The following ERBB4 variants were observed in gnomAD, a reference collection of about 807,000 sequenced individuals.
The protein encoded by ERBB4 is erb-b2 receptor tyrosine kinase 4.
A neutral mutation model predicts 158.0 loss-of-function variants in ERBB4; 42 were observed. The ratio of observed to expected loss-of-function variants is 0.27; its 90% CI spans 0.21 to 0.34. The LOEUF (loss-of-function observed/expected upper bound fraction) is 0.34. Ranked by LOEUF, ERBB4 falls within the 10% of genes least tolerant of loss-of-function variation. The probability of loss-of-function intolerance (pLI) is 1.00; values close to 1 mark genes in which losing one functional copy is unlikely to be tolerated. For missense variants in ERBB4, 1,333 were observed against 1,624.1 expected (o/e 0.82, Z 3.08); for synonymous variants, 583 against 558.7 (o/e 1.04, Z -0.61).
chr2:211,546,882 A>G (rs1476081378), intron 20 of ERBB4, among the ~76,000 whole-genome samples: 1 of 152,098 alleles, frequency 6.6e-6, no homozygotes, highest in African/African-American at 2.4e-5. Flanking sequence ...ATAAGTCATT[A>G]TTACAAATAC....
intron 19 of ERBB4, among the ~76,000 whole-genome samples, chr2:211,611,424 C>CGCTTTACTTTTGCTTTT (rs1469451672): frequency 0.02 from 3,102 of 152,144 alleles, 102 homozygotes; most frequent in African/African-American, 0.071. Flanking sequence ...CTTTTGCTTT[C>CGCTTTACTTTTGCTTTT]GCTTTACTTT....
At chr2:211,900,373 A>AACACACAC (rs72160363) in intron 3 of ERBB4, among the ~76,000 whole-genome samples, 2 of 148,604 alleles carry the variant, frequency 1.3e-5, no homozygotes, top group Non-Finnish European at 3.0e-5. Context: ...TTTATGTTTA[A>AACACACAC]ACACACACAC....
intron 2 of ERBB4, among the ~76,000 whole-genome samples, chr2:212,081,109 A>G (rs1174214843): frequency 6.6e-6 from 1 of 152,152 alleles, no homozygotes; most frequent in Non-Finnish European, 1.5e-5. Context: ...TTCATGGCTC[A>G]CAGATCAGGA....
chr2:211,701,277 T>C lies in ERBB4; in HGVS notation c.1489+690A>G, dbSNP rs560112873. On this transcript the variant is annotated intron_variant, in intron 12 of 27. Transcript: ENST00000342788. ...CGTCATTTTTCTTACCACCTCTAAA[T>C]GGCAAAACTCTGTTATTCTGTTATG... Among the ~76,000 whole-genome samples, 10 of 152,312 alleles carry C rather than the reference T, an allele frequency of 6.6e-5. No individual in the cohort carries two copies. In the East Asian group the frequency reaches 1.9e-3, roughly 29 times the overall value.
chr2:211,715,742 TG>T (rs1194604039), intron 7 of ERBB4, among the ~76,000 whole-genome samples: 2 of 152,146 alleles, frequency 1.3e-5, no homozygotes, highest in African/African-American at 4.8e-5. Flanking sequence ...ACCTTCACTG[TG>T]ATTGAAAGTT....
intron 20 of ERBB4, among the ~76,000 whole-genome samples, chr2:211,488,833 C>T (rs563391705): frequency 1.8e-4 from 28 of 151,990 alleles, no homozygotes; most frequent in African/African-American, 6.5e-4. Context: ...GTGAGAGCAC[C>T]AATCCTGTAC....
At chr2:211,980,980 C>T (rs1477936963) in intron 2 of ERBB4, among the ~76,000 whole-genome samples, 1 of 151,912 alleles carries the variant, frequency 6.6e-6, no homozygotes, top group Non-Finnish European at 1.5e-5. Flanking sequence ...CATCTCGATA[C>T]CGCTCCCCAC....
chr2:212,153,216 T>C (rs1487862432), intron 1 of ERBB4, among the ~76,000 whole-genome samples: 1 of 152,192 alleles, frequency 6.6e-6, no homozygotes, highest in Admixed American at 6.5e-5. Context: ...AAAATAAATC[T>C]TGGCAAAATA....
At chr2:211,921,207 G>A (rs548198458) in intron 3 of ERBB4, among the ~76,000 whole-genome samples, 63 of 152,086 alleles carry the variant, frequency 4.1e-4, no homozygotes, top group African/African-American at 1.5e-3. Flanking sequence ...TCTGTAGATT[G>A]AGCTTCAGTT....
intron 1 of ERBB4, among the ~76,000 whole-genome samples, chr2:212,461,318 G>A (rs1443786923): frequency 6.6e-6 from 1 of 152,188 alleles, no homozygotes; most frequent in African/African-American, 2.4e-5. Context: ...AAGCCACATG[G>A]ACAGAGCTGC....
intron 2 of ERBB4, among the ~76,000 whole-genome samples, chr2:211,975,137 T>A (rs2081568289): frequency 1.3e-5 from 2 of 152,012 alleles, no homozygotes; most frequent in Non-Finnish European, 1.5e-5. Flanking sequence ...TACACTAACA[T>A]ACCTGCCTAA....
intron 1 of ERBB4, among the ~76,000 whole-genome samples, chr2:212,408,622 C>G (rs1309246641): frequency 6.6e-6 from 1 of 152,064 alleles, no homozygotes; most frequent in Non-Finnish European, 1.5e-5. Context: ...CCACTGCACT[C>G]TAGCCTGGAC....
intron 2 of ERBB4, among the ~76,000 whole-genome samples, chr2:212,050,762 A>G (rs2077378422): frequency 6.6e-6 from 1 of 151,646 alleles, no homozygotes; most frequent in African/African-American, 2.4e-5. Flanking sequence ...ATTCTCATTC[A>G]CTTTTAGCCT....
intron 12 of ERBB4, among the ~76,000 whole-genome samples, chr2:211,698,420 T>C (rs2073106536): frequency 6.6e-6 from 1 of 151,794 alleles, no homozygotes; most frequent in African/African-American, 2.4e-5. Flanking sequence ...GGCTGAATGG[T>C]ATTTAAATAG....
rs187597453 is a variant in ERBB4, at chr2:212,330,383, C to T, written c.83-205480G>A. Among the ~76,000 whole-genome samples, 591 of 152,098 alleles carry T rather than the reference C, an allele frequency of 3.9e-3. 7 individuals are homozygous for T. Among genetic ancestry groups the T allele is most frequent in the African/African-American group, 0.013 (549 of 41,510 alleles). ...CTGTAATCAACAGCACTTTAGAAGC[C>T]CGAGGCTTGCCAATTGCTTGAGCCT... is the stretch of plus-strand genomic sequence containing the variant. On this transcript the variant is annotated intron_variant, in intron 1 of 27. Coordinates refer to ENST00000342788, the MANE Select transcript of ERBB4 (RefSeq NM_005235.3).
chr2:212,073,629 T>G (rs2078190127), intron 2 of ERBB4, among the ~76,000 whole-genome samples: 1 of 151,910 alleles, frequency 6.6e-6, no homozygotes. Flanking sequence ...CCAGGAGTCT[T>G]CTTGATGCAG....
intron 12 of ERBB4, among the ~76,000 whole-genome samples, chr2:211,699,974 G>T (rs1348482620): frequency 6.6e-6 from 1 of 151,926 alleles, no homozygotes; most frequent in Non-Finnish European, 1.5e-5. Context: ...ACAGATATAT[G>T]ACATATGAAT....
At chr2:212,462,041 T>C (rs1172851476) in intron 1 of ERBB4, among the ~76,000 whole-genome samples, 1 of 152,212 alleles carries the variant, frequency 6.6e-6, no homozygotes, top group Admixed American at 6.5e-5. Flanking sequence ...GTGTCAGGTA[T>C]GTCTTTATCA....
intron 12 of ERBB4, among the ~76,000 whole-genome samples, chr2:211,688,399 C>T (rs1366874344): frequency 6.6e-6 from 1 of 152,186 alleles, no homozygotes; most frequent in Non-Finnish European, 1.5e-5. Flanking sequence ...TGGGATCTCC[C>T]TCATTATACT....
Sources: allele counts gnomAD v4.1 joint callset (sites outside exome capture counted in the v4.1 genomes callset), GRCh38; gene constraint gnomAD v4.1.1; transcripts MANE v1.5; gene names NCBI Gene and HGNC (gene_info 2026-07-23, HGNC 2026-07-21).